The following FOLH1 variants were observed in gnomAD, a reference collection of about 807,000 sequenced individuals.
FOLH1 encodes glutamate carboxypeptidase 2.
In FOLH1, 54 loss-of-function variants were observed where a neutral mutation model predicts 93.9. The ratio of observed to expected loss-of-function variants is 0.57; its 90% CI spans 0.46 to 0.72. FOLH1 has a LOEUF of 0.72. Ranked by LOEUF, FOLH1 falls within the 30% of genes least tolerant of loss-of-function variation. The probability of loss-of-function intolerance (pLI) is 0.00; values close to 1 mark genes in which losing one functional copy is unlikely to be tolerated. For missense variants in FOLH1, 571 were observed against 892.5 expected (o/e 0.64, Z 4.59); for synonymous variants, 249 against 303.6 (o/e 0.82, Z 1.87).
intron 17 of FOLH1, among the ~76,000 whole-genome samples, chr11:49,151,779 A>G (rs617528): frequency 0.88 from 134,071 of 152,172 alleles, 59,099 homozygotes; most frequent in South Asian, 0.95. Context: ...AAACCATGAG[A>G]CATTTTGTCA....
rs779839853 is a variant in FOLH1 at position 49,169,221 on chromosome 11, T to C, written c.1346A>G (p.Tyr449Cys). ...TTCTATAGATGAGTCAGCATTAATA[T>C]AAGCCACGCCACGCTCTTGAAGGAG... ...SRLLQERGVA[Y>C]INADSSIEGN... The change falls in exon 12 of 19, where the codon TAT (tyrosine) becomes TGT (cysteine). Residue 449 changes from tyrosine to cysteine, a missense_variant. By Grantham distance (194) the Tyr-to-Cys change is radical. Coordinates refer to ENST00000256999, the MANE Select transcript of FOLH1 (RefSeq NM_004476.3). 2.5e-6 allele frequency: 4 copies of C among 1,613,348 alleles called. No homozygotes were observed. Among genetic ancestry groups the C allele is most frequent in the Non-Finnish European group, 3.4e-6 (4 of 1,179,420 alleles).
intron 10 of FOLH1, 121 bp downstream of exon 10, chr11:49,173,236 T>G (rs1159260895): frequency 1.9e-6 from 2 of 1,059,198 alleles, no homozygotes; most frequent in Non-Finnish European, 2.6e-6. Flanking sequence ...CACTGAAAAT[T>G]GTATTAGTAT....
intron 3 of FOLH1, among the ~76,000 whole-genome samples, chr11:49,197,598 T>C (rs1296590314): frequency 1.3e-5 from 2 of 152,208 alleles, no homozygotes; most frequent in Admixed American, 1.3e-4. Context: ...TAATCATATT[T>C]GTTGCCTACG....
intron 12 of FOLH1, among the ~76,000 whole-genome samples, chr11:49,167,323 A>G (rs1453538605): frequency 3.9e-5 from 6 of 152,210 alleles, no homozygotes; most frequent in African/African-American, 1.4e-4. Context: ...AGTTATATTT[A>G]GAAGTGAGAA....
chr11:49,147,934 A>G (rs182944912), intron 18 of FOLH1, among the ~76,000 whole-genome samples: 128 of 152,082 alleles, frequency 8.4e-4, no homozygotes, highest in South Asian at 5.6e-3. Context: ...CTCTTAGGAA[A>G]AAAAGGGGGG....
Position 49,200,306 on chromosome 11 carries a change from T to C in FOLH1, c.360A>G (p.Pro120=). ...AGATGTAGTTGGGATGAGTCTTATTTGGGTAGGACAACAGGACATCATAAT... is the reference window on the plus strand; with the variant it reads ...AGATGTAGTTGGGATGAGTCTTATTCGGGTAGGACAACAGGACATCATAAT... ...LAHYDVLLSY[P]NKTHPNYISI... is the part of the protein sequence containing the mutation. The change falls in exon 3 of 19, where the codon CCA becomes CCG. Residue 120 remains proline (P), a synonymous_variant. Coordinates refer to ENST00000256999, the MANE Select transcript of FOLH1 (RefSeq NM_004476.3). 1.2e-6 allele frequency: 2 copies of C among 1,610,568 alleles called. No individual in the cohort carries two copies. Among genetic ancestry groups the C allele is most frequent in the Non-Finnish European group, 8.5e-7 (1 of 1,177,890 alleles).
At chr11:49,164,541 G>T (rs1247057744) in intron 13 of FOLH1, among the ~76,000 whole-genome samples, 164 bp downstream of exon 13, 1 of 152,108 alleles carries the variant, frequency 6.6e-6, no homozygotes, top group Non-Finnish European at 1.5e-5. Context: ...GGCAATCTGT[G>T]TAAACAGTTT....
intron 7 of FOLH1, among the ~76,000 whole-genome samples, chr11:49,177,984 A>T (rs1388006566): frequency 6.6e-6 from 1 of 151,742 alleles, no homozygotes; most frequent in Non-Finnish European, 1.5e-5. Context: ...AAACAAAAGA[A>T]AAAAAAGGCT....
intron 12 of FOLH1, 117 bp downstream of exon 12, chr11:49,169,078 A>T: frequency 8.8e-7 from 1 of 1,135,980 alleles, no homozygotes; most frequent in Non-Finnish European, 1.3e-6. Flanking sequence ...CAGAGGTTGC[A>T]GTAGATTCCC....
chr11:49,177,135 T>C, intron 7 of FOLH1, among the ~76,000 whole-genome samples: 1 of 152,226 alleles, frequency 6.6e-6, no homozygotes, highest in East Asian at 1.9e-4. Flanking sequence ...AAACAATCAG[T>C]AAGATCACTT....
intron 11 of FOLH1, among the ~76,000 whole-genome samples, chr11:49,170,772 A>G (rs1375762070): frequency 6.6e-6 from 1 of 152,170 alleles, no homozygotes; most frequent in Non-Finnish European, 1.5e-5. Flanking sequence ...ATCAGACAAG[A>G]TTCTCCATTT....
At chr11:49,174,777 CTTCGTTTGTTTG>C in intron 9 of FOLH1, 103 bp downstream of exon 9, 1 of 932,244 alleles carries the variant, frequency 1.1e-6, no homozygotes, top group South Asian at 1.7e-5. Flanking sequence ...CACCGATTTT[CTTCGTTTGTTTG>C]TTTGTTTGTT....
rs1861297559 is a variant in FOLH1 at position 49,185,821 on chromosome 11, ACTC to A, written c.671_673del (p.Gly224del). 6.3e-7 allele frequency: 1 copy of A among 1,584,920 alleles called. No individual in the cohort carries two copies. Among genetic ancestry groups the A allele is most frequent in the African/African-American group, 1.4e-5 (1 of 72,974 alleles). Reference sequence around the variant, plus strand: ...GTCAGCAGGGTCGGAGTAGAGAATGACTCCTTTGGCCCCTGCCAGCTGGGCATT... The same window carrying A: ...GTCAGCAGGGTCGGAGTAGAGAATGACTTTGGCCCCTGCCAGCTGGGCATT... On this transcript the variant is annotated inframe_deletion, in exon 6 of 19. Transcript: ENST00000256999.
In FOLH1 at chr11:49,185,656, A is replaced by T. The variant is rs372224081; in HGVS notation, c.826+13T>A. ...GTTAAGTTTCCTATGATATTCAAGGATTGATCATTCACCATTTGCTGGGTA... is the reference window on the plus strand; with the variant it reads ...GTTAAGTTTCCTATGATATTCAAGGTTTGATCATTCACCATTTGCTGGGTA... On this transcript the variant is annotated intron_variant, in intron 6 of 18. Coordinates refer to ENST00000256999, the MANE Select transcript of FOLH1 (RefSeq NM_004476.3). The T allele has an allele frequency of 2.4e-5, 38 of 1,613,562 alleles. No homozygotes were observed. The African/African-American group carries it at 3.5e-4, about 15-fold the overall frequency.
intron 1 of FOLH1, chr11:49,208,087 C>T: frequency 3.2e-6 from 2 of 627,144 alleles, no homozygotes; most frequent in South Asian, 3.9e-5. Context: ...GTCCTACCAG[C>T]AGCTTGTCGA....
chr11:49,207,342 T>C (rs1864091628), intron 1 of FOLH1, among the ~76,000 whole-genome samples: 1 of 152,208 alleles, frequency 6.6e-6, no homozygotes, highest in South Asian at 2.1e-4. Context: ...TTTTAAGAGA[T>C]GAAGATTGTT....
chr11:49,198,751 T>C (rs546116157), intron 3 of FOLH1, among the ~76,000 whole-genome samples: 39 of 151,806 alleles, frequency 2.6e-4, no homozygotes, highest in African/African-American at 8.7e-4. Flanking sequence ...ATATAATATA[T>C]TTTAGGGTTT....
intron 13 of FOLH1, among the ~76,000 whole-genome samples, chr11:49,158,617 CT>C (rs1565141054): frequency 6.6e-6 from 1 of 152,086 alleles, no homozygotes; most frequent in African/African-American, 2.4e-5. Flanking sequence ...TATATGGGCT[CT>C]TTTATGGATC....
chr11:49,151,122 CA>C (rs1374589056), intron 17 of FOLH1, among the ~76,000 whole-genome samples: 4 of 152,152 alleles, frequency 2.6e-5, no homozygotes, highest in Admixed American at 6.5e-5. Flanking sequence ...ATTGTTCTTT[CA>C]ACTGCACCTT....
Sources: allele counts gnomAD v4.1 joint callset (sites outside exome capture counted in the v4.1 genomes callset), GRCh38; gene constraint gnomAD v4.1.1; transcripts MANE v1.5; gene names NCBI Gene and HGNC (gene_info 2026-07-23, HGNC 2026-07-21).